CSMD1: variants seen among roughly 807,000 people sequenced by gnomAD.
The protein encoded by CSMD1 is CUB and sushi domain-containing protein 1.
Under a neutral mutation model 417.5 loss-of-function variants are expected in CSMD1, and 213 were observed. The observed-to-expected ratio is 0.51, with a 90% CI of 0.46 to 0.57. The LOEUF (loss-of-function observed/expected upper bound fraction) is 0.57, where lower values mean the gene tolerates loss of function less well. Among genes scored for constraint, CSMD1 ranks in the 20% least tolerant of loss-of-function variants. The probability of loss-of-function intolerance (pLI) is 0.00; values close to 1 mark genes in which losing one functional copy is unlikely to be tolerated. For missense variants in CSMD1, 6,923 were observed against 4,529.7 expected (o/e 1.53, Z -15.17); for synonymous variants, 2,862 against 1,736.8 (o/e 1.65, Z -16.11).
intron 3 of CSMD1, among the ~76,000 whole-genome samples, chr8:4,137,902 A>G (rs955834760): frequency 2.0e-5 from 3 of 151,870 alleles, no homozygotes; most frequent in Admixed American, 2.0e-4. Flanking sequence ...ACTTGAGATG[A>G]AGTCTCGCTC....
chr8:4,146,064 G>C (rs1262244293), intron 3 of CSMD1, among the ~76,000 whole-genome samples: 1 of 150,872 alleles, frequency 6.6e-6, no homozygotes, highest in Non-Finnish European at 1.5e-5. Context: ...GCAGACACTT[G>C]AGGGAGGCAA....
chr8:3,305,255 A>G (rs181437818), intron 25 of CSMD1, among the ~76,000 whole-genome samples: 1 of 152,302 alleles, frequency 6.6e-6, no homozygotes, highest in East Asian at 1.9e-4. Flanking sequence ...TCTGTTACTC[A>G]GCTATAACTT....
intron 3 of CSMD1, among the ~76,000 whole-genome samples, chr8:4,069,454 T>G (rs1260441446): frequency 6.6e-6 from 1 of 152,212 alleles, no homozygotes; most frequent in African/African-American, 2.4e-5. Context: ...AATACAGTTT[T>G]GTCTTTCGCA....
At chr8:4,905,118 C>G (rs1167787907) in intron 1 of CSMD1, among the ~76,000 whole-genome samples, 1 of 152,050 alleles carries the variant, frequency 6.6e-6, no homozygotes, top group African/African-American at 2.4e-5. Context: ...GCTCTATATA[C>G]TCAACTTTTA....
chr8:4,379,485 G>T (rs960361150), intron 3 of CSMD1, among the ~76,000 whole-genome samples: 1 of 152,140 alleles, frequency 6.6e-6, no homozygotes, highest in African/African-American at 2.4e-5. Context: ...TTTGACAATT[G>T]CATTCTGGTT....
intron 21 of CSMD1, among the ~76,000 whole-genome samples, chr8:3,351,945 G>C (rs949425217): frequency 2.6e-5 from 4 of 152,142 alleles, no homozygotes; most frequent in Middle Eastern, 3.4e-3. Flanking sequence ...ATTTGTGTTT[G>C]AGTTAATACC....
At chr8:2,962,803 C>T (rs1326185610) in intron 60 of CSMD1, among the ~76,000 whole-genome samples, 164 bp from the exon 61 acceptor site, 4 of 152,210 alleles carry the variant, frequency 2.6e-5, no homozygotes, top group African/African-American at 7.2e-5. Flanking sequence ...AATCCCAACA[C>T]TTTGGGAGGC....
In CSMD1 at chr8:3,884,612, G is replaced by C. The variant is rs551070031; in HGVS notation, c.818+113291C>G. On this transcript the variant is annotated intron_variant, in intron 5 of 69. Transcript: ENST00000635120. ...ACATCGGTGAGAAGTCATTTGTTCT[G>C]ATTTGGTTAAACAAAAAGACGTTAC... is the stretch of plus-strand genomic sequence containing the variant. Among the ~76,000 whole-genome samples, 15 of 152,244 alleles carry C rather than the reference G, an allele frequency of 9.9e-5. No homozygotes were observed. The South Asian group carries it at 3.1e-3, about 32-fold the overall frequency.
At chr8:3,975,934 G>A (rs752305745) in intron 5 of CSMD1, among the ~76,000 whole-genome samples, 1 of 151,964 alleles carries the variant, frequency 6.6e-6, no homozygotes, top group Non-Finnish European at 1.5e-5. Context: ...GTTATTTGCA[G>A]TATGTTTTAT....
Position 4,821,934 on chromosome 8 carries a change from T to A in CSMD1, c.85+172398A>T, listed in dbSNP as rs966865626. Among the ~76,000 whole-genome samples, 5 of 152,144 alleles carry A rather than the reference T, an allele frequency of 3.3e-5. No individual in the cohort carries two copies. In the Middle Eastern group the frequency reaches 0.014, roughly 414 times the overall value. On this transcript the variant is annotated intron_variant, in intron 1 of 69. Transcript: ENST00000635120. ...TTTGCTTGCCTGCTTCAGGTATTTT[T>A]AAATAATCTAATCGAATAAAGCTTC... is the stretch of plus-strand genomic sequence containing the variant.
chr8:3,160,515 T>A (rs1819818841), intron 38 of CSMD1, among the ~76,000 whole-genome samples: 1 of 152,218 alleles, frequency 6.6e-6, no homozygotes. Context: ...GTTACAAACT[T>A]ACTGAGGTAT....
At chr8:4,400,402 C>G (rs530944082) in intron 3 of CSMD1, among the ~76,000 whole-genome samples, 17 of 152,352 alleles carry the variant, frequency 1.1e-4, no homozygotes, top group Admixed American at 2.0e-4. Context: ...GTTTGCCGTT[C>G]CAGGAGCATA....
At chr8:3,061,565 G>C (rs1045826777) in intron 49 of CSMD1, among the ~76,000 whole-genome samples, 4 of 152,160 alleles carry the variant, frequency 2.6e-5, no homozygotes, top group African/African-American at 9.7e-5. Context: ...GCCAGGGGTT[G>C]ACAGTGTCTC....
chr8:3,538,698 A>G (rs1798310727), intron 10 of CSMD1, among the ~76,000 whole-genome samples: 1 of 152,196 alleles, frequency 6.6e-6, no homozygotes, highest in Admixed American at 6.5e-5. Context: ...ATGGCCTGCC[A>G]TCTTTGATTG....
chr8:4,467,545 A>G (rs896312121), intron 2 of CSMD1, among the ~76,000 whole-genome samples: 1 of 152,154 alleles, frequency 6.6e-6, no homozygotes, highest in Non-Finnish European at 1.5e-5. Context: ...AGCACATTAA[A>G]CCTGTTGAAA....
intron 23 of CSMD1, among the ~76,000 whole-genome samples, chr8:3,340,797 C>T (rs1807593365): frequency 6.6e-6 from 1 of 152,120 alleles, no homozygotes; most frequent in African/African-American, 2.4e-5. Context: ...ATCTTCCCAC[C>T]AGACAGTATG....
intron 5 of CSMD1, among the ~76,000 whole-genome samples, chr8:3,937,681 A>G (rs17068071): frequency 0.35 from 53,477 of 151,976 alleles, 9,520 homozygotes; most frequent in African/African-American, 0.42. Context: ...ACGGCTGCAT[A>G]TCAATAACTA....
chr8:4,832,095 G>A (rs996425462), intron 1 of CSMD1, among the ~76,000 whole-genome samples: 1 of 152,070 alleles, frequency 6.6e-6, no homozygotes, highest in Non-Finnish European at 1.5e-5. Flanking sequence ...TTCTCTTCGG[G>A]AACCTTTTGT....
At chr8:3,786,646 G>A (rs181856146) in intron 5 of CSMD1, among the ~76,000 whole-genome samples, 26 of 152,252 alleles carry the variant, frequency 1.7e-4, no homozygotes, top group South Asian at 1.0e-3. Flanking sequence ...TAGTTCACTC[G>A]AGATGCTATG....
Sources: gnomAD v4.1 joint callset for allele counts (sites outside exome capture counted in the v4.1 genomes callset) on GRCh38, gnomAD v4.1.1 for gene constraint, MANE v1.5 for transcripts, NCBI Gene and HGNC (gene_info 2026-07-23, HGNC 2026-07-21) for gene names.